The following VDAC1 variants were observed in gnomAD, a reference collection of about 807,000 sequenced individuals.
The protein encoded by VDAC1 is non-selective voltage-gated ion channel VDAC1.
VDAC1 carries 10 observed loss-of-function variants against 34.7 expected under a neutral mutation model. The observed-to-expected ratio is 0.29, with a 90% CI of 0.18 to 0.49. The LOEUF (loss-of-function observed/expected upper bound fraction) is 0.49. Among genes scored for constraint, VDAC1 ranks in the 20% least tolerant of loss-of-function variants. The pLI, the probability that VDAC1 is intolerant of heterozygous loss-of-function variation, is 0.99. For missense variants in VDAC1, 230 were observed against 347.9 expected (o/e 0.66, Z 2.69); for synonymous variants, 130 against 136.0 (o/e 0.96, Z 0.30).
At chr5:134,098,156 C>T in the VDAC1 span, among the ~76,000 whole-genome samples, 17 of 151,272 alleles carry the variant, frequency 1.1e-4, no homozygotes, top group Middle Eastern at 6.8e-3. Context: ...CAGGTGTGAG[C>T]TACCATGCCC....
At chr5:134,021,195 T>TA in the VDAC1 span, among the ~76,000 whole-genome samples, 14 of 151,756 alleles carry the variant, frequency 9.2e-5, no homozygotes, top group South Asian at 6.3e-4. Flanking sequence ...TCTTTTTTTT[T>TA]TTATTATTAT....
chr5:134,105,315 G>A, the VDAC1 span, among the ~76,000 whole-genome samples: 3 of 152,194 alleles, frequency 2.0e-5, no homozygotes, highest in African/African-American at 4.8e-5. Context: ...AAGGAACAGG[G>A]CGAGCTCTCT....
the VDAC1 span, among the ~76,000 whole-genome samples, chr5:134,040,294 A>T: frequency 6.6e-6 from 1 of 152,112 alleles, no homozygotes; most frequent in East Asian, 1.9e-4. Flanking sequence ...AGCTGGGCAT[A>T]GGCCAGGAGC....
At chr5:134,088,183 A>C in the VDAC1 span, among the ~76,000 whole-genome samples, 2 of 151,854 alleles carry the variant, frequency 1.3e-5, no homozygotes, top group Non-Finnish European at 2.9e-5. Context: ...AAAACAAAAC[A>C]AAAAAAACAA....
intron 5 of VDAC1, among the ~76,000 whole-genome samples, chr5:133,982,846 C>T (rs1752752287): frequency 6.7e-6 from 1 of 148,724 alleles, no homozygotes. Flanking sequence ...GCCAAGACCG[C>T]GCCACTGCAC....
chr5:134,065,626 C>T, the VDAC1 span, among the ~76,000 whole-genome samples: 26 of 151,794 alleles, frequency 1.7e-4, 1 homozygote, highest in Non-Finnish European at 2.9e-4. Flanking sequence ...TAGACATGAG[C>T]CACTGTGCCC....
At chr5:134,076,385 G>T in the VDAC1 span, among the ~76,000 whole-genome samples, 297 of 152,308 alleles carry the variant, frequency 1.9e-3, 1 homozygote, top group African/African-American at 7.0e-3. Context: ...CTTTCTGCAA[G>T]GTCAGCCTTC....
At chr5:134,081,838 G>A in the VDAC1 span, 2 of 153,178 alleles carry the variant, frequency 1.3e-5, no homozygotes, top group African/African-American at 4.8e-5. Context: ...AAAGGCTTTG[G>A]TTGAGATGGT....
At chr5:134,042,055 G>A in the VDAC1 span, among the ~76,000 whole-genome samples, 2 of 152,210 alleles carry the variant, frequency 1.3e-5, no homozygotes, top group African/African-American at 2.4e-5. Flanking sequence ...TGAGCTGCCC[G>A]AGCAGAAACC....
chr5:133,994,608 T>C (rs775220466), intron 1 of VDAC1, among the ~76,000 whole-genome samples: 3 of 152,116 alleles, frequency 2.0e-5, no homozygotes, highest in Non-Finnish European at 4.4e-5. Context: ...CCCCCCGGGA[T>C]AGACCAGGAA....
chr5:134,030,359 A>C, the VDAC1 span, among the ~76,000 whole-genome samples: 1 of 152,192 alleles, frequency 6.6e-6, no homozygotes, highest in African/African-American at 2.4e-5. Context: ...AAAGAGAAAA[A>C]AATGTTAATA....
the VDAC1 span, among the ~76,000 whole-genome samples, chr5:134,052,961 C>G: frequency 6.6e-6 from 1 of 152,030 alleles, no homozygotes; most frequent in Non-Finnish European, 1.5e-5. Context: ...ACTAAAAATA[C>G]AAAATCAGCT....
the VDAC1 span, among the ~76,000 whole-genome samples, chr5:134,038,973 T>G: frequency 6.6e-6 from 1 of 152,066 alleles, no homozygotes; most frequent in Non-Finnish European, 1.5e-5. Context: ...GATGCTAATG[T>G]AAAGGCCCAG....
At chr5:134,086,738 A>G in the VDAC1 span, among the ~76,000 whole-genome samples, 1 of 148,848 alleles carries the variant, frequency 6.7e-6, no homozygotes, top group Non-Finnish European at 1.5e-5. Flanking sequence ...GTGTTGGGGG[A>G]TGCCAAATCT....
chr5:134,111,065 G>C, the VDAC1 span, among the ~76,000 whole-genome samples: 1 of 152,128 alleles, frequency 6.6e-6, no homozygotes, highest in Non-Finnish European at 1.5e-5. Flanking sequence ...GGTTCATCTC[G>C]ACTGCACTCC....
At chr5:133,994,858 G>A (rs1441724980) in intron 1 of VDAC1, among the ~76,000 whole-genome samples, 1 of 152,136 alleles carries the variant, frequency 6.6e-6, no homozygotes, top group Non-Finnish European at 1.5e-5. Context: ...GGAAGCAGAA[G>A]GAGAAGCAGT....
chr5:134,070,223 C>A, the VDAC1 span, among the ~76,000 whole-genome samples: 5 of 152,138 alleles, frequency 3.3e-5, no homozygotes, highest in Non-Finnish European at 7.4e-5. Context: ...CTCACTGCAA[C>A]CTTTGCTTCC....
At chr5:134,047,626 A>G in the VDAC1 span, among the ~76,000 whole-genome samples, 1 of 152,370 alleles carries the variant, frequency 6.6e-6, no homozygotes, top group Admixed American at 6.5e-5. Context: ...GTATTTTATC[A>G]GCTCACAATG....
intron 1 of VDAC1, among the ~76,000 whole-genome samples, chr5:133,997,318 C>T (rs1753352162): frequency 6.6e-6 from 1 of 151,976 alleles, no homozygotes; most frequent in African/African-American, 2.4e-5. Flanking sequence ...TAACACAAAA[C>T]CCAGAAGCAA....
Sources: gnomAD v4.1 joint callset for allele counts (sites outside exome capture counted in the v4.1 genomes callset) on GRCh38, gnomAD v4.1.1 for gene constraint, MANE v1.5 for transcripts, NCBI Gene and HGNC (gene_info 2026-07-23, HGNC 2026-07-21) for gene names.